The following RAI1 variants were observed in gnomAD, a reference collection of about 807,000 sequenced individuals.
RAI1 encodes retinoic acid-induced protein 1.
RAI1 carries 9 observed loss-of-function variants against 123.8 expected under a neutral mutation model. The observed-to-expected ratio is 0.07, with a 90% CI of 0.04 to 0.13. RAI1 has a LOEUF of 0.13. Ranked by LOEUF, RAI1 falls within the 10% of genes least tolerant of loss-of-function variation. The pLI, the probability that RAI1 is intolerant of heterozygous loss-of-function variation, is 1.00. For missense variants in RAI1, 2,256 were observed against 2,545.8 expected (o/e 0.89, Z 2.45); for synonymous variants, 1,231 against 1,127.3 (o/e 1.09, Z -1.84).
rs1048685858 is a variant in RAI1 at position 17,805,932 on chromosome 17, T to G, written c.5659+2083T>G. 5.3e-5 allele frequency among the ~76,000 whole-genome samples: 8 copies of G among 152,318 alleles called. No homozygotes were observed. In the East Asian group the frequency reaches 5.8e-4, roughly 11 times the overall value. ...AGAACCATGTTGTTTCCAGCCATCT[T>G]CACAGATTGGCTGCCTCACCCACAG... is the stretch of plus-strand genomic sequence containing the variant. On this transcript the variant is annotated intron_variant, in intron 4 of 5. Coordinates refer to ENST00000353383, the MANE Select transcript of RAI1 (RefSeq NM_030665.4).
Position 17,798,057 on chromosome 17 carries a change from T to C in RAI1, c.5109T>C (p.Cys1703=). The C allele has an allele frequency of 6.2e-7, 1 of 1,614,088 alleles. No homozygotes were observed. Among genetic ancestry groups the C allele is most frequent in the Non-Finnish European group, 8.5e-7 (1 of 1,180,008 alleles). ...PANFKDLGDL[C]GPYYPEHCLP... ...ACTTCAAGGACCTTGGGGACCTCTG[T>C]GGGCCCTACTACCCTGAACACTGCC... Residue 1703 remains cysteine (C), a synonymous_variant, in exon 3 of 6, where the codon TGT becomes TGC. Transcript: ENST00000353383.
chr17:17,806,931 C>T (rs2032605241), intron 4 of RAI1, among the ~76,000 whole-genome samples: 1 of 152,158 alleles, frequency 6.6e-6, no homozygotes, highest in Non-Finnish European at 1.5e-5. Context: ...GCCAGGCCAT[C>T]TACACACACG....
chr17:17,781,748 G>C (rs2031588746), intron 2 of RAI1, among the ~76,000 whole-genome samples: 1 of 152,334 alleles, frequency 6.6e-6, no homozygotes, highest in South Asian at 2.1e-4. Context: ...TTGTTGGTAC[G>C]GCCAGCCCGC....
Position 17,766,773 on chromosome 17 carries a change from T to G in RAI1, c.-16-26160T>G, listed in dbSNP as rs2142993903. Among the ~76,000 whole-genome samples, 3 of 152,308 alleles carry G rather than the reference T, an allele frequency of 2.0e-5. No homozygotes were observed. The South Asian group carries it at 6.2e-4, about 32-fold the overall frequency. On this transcript the variant is annotated intron_variant, in intron 2 of 5. Transcript: ENST00000353383. ...CACAGCCTGGCACAGGAATCGGTGC[T>G]CCAGGCAGCAGACAGCAAAGGTGTG...
intron 2 of RAI1, among the ~76,000 whole-genome samples, chr17:17,726,873 G>A (rs777265700): frequency 1.3e-5 from 2 of 152,120 alleles, no homozygotes; most frequent in Admixed American, 6.5e-5. Flanking sequence ...ATATTCAGAT[G>A]TATATCCTGC....
At chr17:17,752,402 C>T (rs1004473812) in intron 2 of RAI1, among the ~76,000 whole-genome samples, 1 of 152,110 alleles carries the variant, frequency 6.6e-6, no homozygotes, top group African/African-American at 2.4e-5. Context: ...CGAGGCTGGT[C>T]TTGTACTGGC....
intron 1 of RAI1, among the ~76,000 whole-genome samples, chr17:17,695,140 G>A (rs781713392): frequency 6.6e-6 from 1 of 152,124 alleles, no homozygotes; most frequent in East Asian, 1.9e-4. Flanking sequence ...ATTAAAAGTG[G>A]AGGCCAGGCG....
intron 2 of RAI1, among the ~76,000 whole-genome samples, chr17:17,725,462 T>C (rs887135178): frequency 4.6e-5 from 7 of 152,046 alleles, no homozygotes; most frequent in African/African-American, 1.2e-4. Context: ...TCCTTTCCCA[T>C]TGAGGCCATG....
chr17:17,688,413 G>A (rs561457371), intron 1 of RAI1, among the ~76,000 whole-genome samples: 212 of 151,620 alleles, frequency 1.4e-3, no homozygotes, highest in African/African-American at 4.9e-3. Context: ...GAACCCCGGG[G>A]GGTGGAAGTT....
At position 17,799,379 on chromosome 17, in the gene RAI1, G is replaced by C. The variant is rs937421575; in HGVS notation, c.5565+866G>C. ...TGACAGCAGGGTGACGTTCTTCGTGGTGTCACCACTTCCCCAGTACCATAG... is the reference window on the plus strand; with the variant it reads ...TGACAGCAGGGTGACGTTCTTCGTGCTGTCACCACTTCCCCAGTACCATAG... On this transcript the variant is annotated intron_variant, in intron 3 of 5. Coordinates refer to ENST00000353383, the MANE Select transcript of RAI1 (RefSeq NM_030665.4). The surrounding 1 kb of genome is among the most constrained non-coding windows in gnomAD (Gnocchi z 4.5). Among the ~76,000 whole-genome samples, 9 of 152,242 alleles carry C rather than the reference G, an allele frequency of 5.9e-5. No individual in the cohort carries two copies. The highest frequency in any genetic ancestry group is 2.2e-4 in the African/African-American group (9 of 41,542).
chr17:17,713,344 AAAT>A (rs1555554772), intron 1 of RAI1, among the ~76,000 whole-genome samples: 2 of 152,120 alleles, frequency 1.3e-5, no homozygotes, highest in Non-Finnish European at 1.5e-5. Context: ...TCCTGTCTCT[AAAT>A]AATAATAATA....
intron 1 of RAI1, among the ~76,000 whole-genome samples, chr17:17,716,549 C>T (rs1417845469): frequency 6.6e-6 from 1 of 152,014 alleles, no homozygotes; most frequent in Admixed American, 6.5e-5. Context: ...TGTGTGTACA[C>T]GTGTCTGTGT....
At chr17:17,805,234 G>T (rs2032572329) in intron 4 of RAI1, among the ~76,000 whole-genome samples, 1 of 152,182 alleles carries the variant, frequency 6.6e-6, no homozygotes, top group African/African-American at 2.4e-5. Flanking sequence ...CTACCTGTAT[G>T]ATGGAGATGA....
At chr17:17,754,982 G>T (rs2030373808) in intron 2 of RAI1, among the ~76,000 whole-genome samples, 1 of 152,244 alleles carries the variant, frequency 6.6e-6, no homozygotes, top group Admixed American at 6.5e-5. Flanking sequence ...ATGAACACAG[G>T]CTTTGGAGTG....
chr17:17,686,622 G>A (rs1598010631), intron 1 of RAI1, among the ~76,000 whole-genome samples: 1 of 129,556 alleles, frequency 7.7e-6, no homozygotes, highest in Non-Finnish European at 1.8e-5. Flanking sequence ...CGCGCGCGCC[G>A]GGGAGGGGAG....
Position 17,796,923 on chromosome 17 carries a change from G to A in RAI1, c.3975G>A (p.Arg1325=). 6.2e-7 allele frequency: 1 copy of A among 1,613,510 alleles called. No individual in the cohort carries two copies. The highest frequency in any genetic ancestry group is 8.5e-7 in the Non-Finnish European group (1 of 1,180,040). Residue 1325 remains arginine (R), a synonymous_variant, in exon 3 of 6, where the codon CGG becomes CGA. Coordinates refer to ENST00000353383, the MANE Select transcript of RAI1 (RefSeq NM_030665.4). This position sits in a 1 kb window ranked among gnomAD's most constrained non-coding sequence, Gnocchi z 5.8. The stretch of plus-strand genomic sequence containing the variant: ...AGGTGCTGCCACCCCGGAAGGGCCG[G>A]GGCCTGAAGCTGGAAGCCATCGTGC... ...KTKVLPPRKG[R]GLKLEAIVQK...
chr17:17,808,399 ATT>A (rs1335437032), intron 4 of RAI1, among the ~76,000 whole-genome samples: 4 of 101,502 alleles, frequency 3.9e-5, no homozygotes, highest in African/African-American at 1.4e-4. Flanking sequence ...ATTTTATTTT[ATT>A]TTATTTTATT....
chr17:17,810,909 CTA>C lies in RAI1; in HGVS notation c.*936_*937del, dbSNP rs2032743124. 2 of 409,926 alleles carry C rather than the reference CTA, an allele frequency of 4.9e-6. No homozygotes were observed. The highest frequency in any genetic ancestry group is 1.7e-5 in the South Asian group (1 of 60,548). The allele number at this position is 409,926 out of a possible 1,614,324, so 25.4% of individuals were successfully genotyped here. A position where few individuals can be genotyped will look rare whatever the true frequency, so the allele number is the denominator to read the frequency against. On this transcript the variant is annotated 3_prime_UTR_variant, in exon 6 of 6. Transcript: ENST00000353383. This position sits in a 1 kb window ranked among gnomAD's most constrained non-coding sequence, Gnocchi z 4.6. ...TCGTGTACAAAACCTGTGTACCCCT[CTA>C]TATATATGTTACATAGAATGTATAT...
chr17:17,704,219 A>G (rs1331938153), intron 1 of RAI1, among the ~76,000 whole-genome samples: 1 of 152,190 alleles, frequency 6.6e-6, no homozygotes, highest in African/African-American at 2.4e-5. Flanking sequence ...GCAGCTGGGG[A>G]CACTCAGACC....
Sources: gnomAD v4.1 joint callset for allele counts (sites outside exome capture counted in the v4.1 genomes callset) on GRCh38, gnomAD v4.1.1 for gene constraint, Gnocchi (gnomAD v3.1) non-coding constraint, MANE v1.5 for transcripts, NCBI Gene and HGNC (gene_info 2026-07-23, HGNC 2026-07-21) for gene names.